Variants in SDC1 observed in about 807,000 individuals in gnomAD.
SDC1 encodes the protein syndecan-1.
SDC1 carries 14 observed loss-of-function variants against 29.7 expected under a neutral mutation model. The observed-to-expected ratio is 0.47, with a 90% confidence interval of 0.31 to 0.74. The LOEUF (loss-of-function observed/expected upper bound fraction) is 0.74. SDC1 is among the 30% of genes least tolerant of loss of function. SDC1 has a pLI of 0.05. For missense variants in SDC1, 406 were observed against 400.3 expected (o/e 1.01, Z -0.12); for synonymous variants, 204 against 175.5 (o/e 1.16, Z -1.29).
intron 1 of SDC1, chr2:20,207,916 C>A (rs1677332622): frequency 1.0e-6 from 1 of 980,156 alleles, no homozygotes; most frequent in Non-Finnish European, 1.2e-6. Flanking sequence ...GGCACCCCCA[C>A]CCATACTCAC....
At position 20,201,153 on chromosome 2, in the gene SDC1, TCGG is replaced by T. The variant is rs1676995179; in HGVS notation, c.*1610_*1612del. ...GTCCAAGGTGTCTGCGGGGTAGGCC[TCGG>T]CTCCACACCTCCGCTGTGACCACAG... On this transcript the variant is annotated 3_prime_UTR_variant, in exon 5 of 5. Transcript: ENST00000254351. The T allele has an allele frequency of 6.6e-6, 1 of 152,256 alleles. No homozygotes were observed. The highest frequency in any genetic ancestry group is 2.4e-5 in the African/African-American group (1 of 41,440). 9.4% of individuals were successfully genotyped at this position (152,256 alleles called of 1,614,324 possible).
chr2:20,203,806 CACT>C lies in SDC1; in HGVS notation c.627+4_627+6del. ...TCAATTTCCCAAGGAATGCAGAGGCCACTCACCTGCTCCCCAGAGCCCTCTGCT... is the reference window on the plus strand; with the variant it reads ...TCAATTTCCCAAGGAATGCAGAGGCCCACCTGCTCCCCAGAGCCCTCTGCT... On this transcript the variant is annotated splice_donor_5th_base_variant and intron_variant, in intron 3 of 4. Coordinates refer to ENST00000254351, the MANE Select transcript of SDC1 (RefSeq NM_002997.5). 6.4e-7 allele frequency: 1 copy of C among 1,561,906 alleles called. No individual in the cohort carries two copies. The highest frequency in any genetic ancestry group is 8.7e-7 in the Non-Finnish European group (1 of 1,154,956).
At chr2:20,213,293 G>A (rs1305500218) in intron 1 of SDC1, among the ~76,000 whole-genome samples, 1 of 152,184 alleles carries the variant, frequency 6.6e-6, no homozygotes, top group South Asian at 2.1e-4. Flanking sequence ...GCAAAACCCG[G>A]GCCAGGCCAG....
chr2:20,210,813 G>C (rs1041897458), intron 1 of SDC1, among the ~76,000 whole-genome samples: 1 of 152,162 alleles, frequency 6.6e-6, no homozygotes, highest in Admixed American at 6.5e-5. Context: ...CCCAGGCTGC[G>C]AGGTCATGAG....
At position 20,205,568 on chromosome 2, in the gene SDC1, G is replaced by A. The variant is rs1677236979; in HGVS notation, c.67-144C>T. 7 of 654,772 alleles carry A rather than the reference G, an allele frequency of 1.1e-5. No homozygotes were observed. The East Asian group carries it at 1.9e-4, about 18-fold the overall frequency. 40.6% of individuals were successfully genotyped at this position (654,772 alleles called of 1,614,324 possible). ...GAGAAGCCTTCTCATGTGGCTCCAG[G>A]ACCCTCAGCTCTGGGCAGCACTTTG... On this transcript the variant is annotated intron_variant, in intron 1 of 4. Transcript: ENST00000254351.
rs953795593 is a variant in SDC1, at chr2:20,224,581, C to G, written c.66+221G>C. 6.6e-6 allele frequency among the ~76,000 whole-genome samples: 1 copy of G among 151,824 alleles called. No individual in the cohort carries two copies. Among genetic ancestry groups the G allele is most frequent in the Non-Finnish European group, 1.5e-5 (1 of 67,878 alleles). On this transcript the variant is annotated intron_variant, in intron 1 of 4. Transcript: ENST00000254351. The surrounding 1 kb of genome is among the most constrained non-coding windows in gnomAD (Gnocchi z 4.9). ...AATTGAGCGCGGGGCCCCGGCCCCC[C>G]ACCCTCCCCAGCGCGGGACCGGTGC...
chr2:20,223,484 C>G (rs1223707738), intron 1 of SDC1: 3 of 336,340 alleles, frequency 8.9e-6, no homozygotes. Context: ...GATGTAGTGG[C>G]GAGACACCGC....
rs1276322199 is a variant in SDC1 at position 20,201,910 on chromosome 2, A to G, written c.*856T>C. 1.3e-5 allele frequency: 3 copies of G among 232,984 alleles called. No individual in the cohort carries two copies. The highest frequency in any genetic ancestry group is 2.5e-5 in the Non-Finnish European group (3 of 121,472). 14.4% of individuals were successfully genotyped at this position (232,984 alleles called of 1,614,324 possible). A position where few individuals can be genotyped will look rare whatever the true frequency, so the allele number is the denominator to read the frequency against. The stretch of plus-strand genomic sequence containing the variant: ...AGCATGGCCCTGAGCGCATGGACAC[A>G]GGCACGACTGCTTGAAAGAGGCGGC... On this transcript the variant is annotated 3_prime_UTR_variant, in exon 5 of 5. Transcript: ENST00000254351.
At position 20,202,765 on chromosome 2, in the gene SDC1, G is replaced by A. The variant is rs376758793; in HGVS notation, c.*1C>T. 19 of 1,598,676 alleles carry A rather than the reference G, an allele frequency of 1.2e-5. No individual in the cohort carries two copies. The highest frequency in any genetic ancestry group is 1.0e-4 in the Admixed American group (6 of 58,400). ...GGCGGAGGGGGCGCATGGCTCCCGC[G>A]TCAGGCATAGAATTCCTCCTGTTTG... is the stretch of plus-strand genomic sequence containing the variant. On this transcript the variant is annotated 3_prime_UTR_variant, in exon 5 of 5. Coordinates refer to ENST00000254351, the MANE Select transcript of SDC1 (RefSeq NM_002997.5).
intron 1 of SDC1, among the ~76,000 whole-genome samples, chr2:20,218,820 CACACACACACACAG>C (rs1677720567): frequency 6.6e-6 from 1 of 151,538 alleles, no homozygotes; most frequent in Non-Finnish European, 1.5e-5. Context: ...CACACGCAGA[CACACACACACACAG>C]ACACACACAC....
At chr2:20,222,934 G>A (rs538836845) in intron 1 of SDC1, among the ~76,000 whole-genome samples, 2 of 152,322 alleles carry the variant, frequency 1.3e-5, no homozygotes, top group African/African-American at 4.8e-5. Flanking sequence ...GCAGTGAGGT[G>A]ATGCCCAGCG....
chr2:20,224,782 T>G lies in SDC1; in HGVS notation c.66+20A>C. 4 of 1,305,760 alleles carry G rather than the reference T, an allele frequency of 3.1e-6. No individual in the cohort carries two copies. Among genetic ancestry groups the G allele is most frequent in the Non-Finnish European group, 3.9e-6 (4 of 1,026,582 alleles). The allele number at this position is 1,305,760 out of a possible 1,614,324, so 80.9% of individuals were successfully genotyped here. A position where few individuals can be genotyped will look rare whatever the true frequency, so the allele number is the denominator to read the frequency against. The stretch of plus-strand genomic sequence containing the variant: ...CCCGGCTTCCCGCCGCCTCCCCGCC[T>G]GGCCGCCGGCCGCACTCACCGGCAG... On this transcript the variant is annotated intron_variant, in intron 1 of 4. Coordinates refer to ENST00000254351, the MANE Select transcript of SDC1 (RefSeq NM_002997.5). This position sits in a 1 kb window ranked among gnomAD's most constrained non-coding sequence, Gnocchi z 4.9.
intron 1 of SDC1, among the ~76,000 whole-genome samples, chr2:20,220,845 A>G (rs1677795565): frequency 6.6e-6 from 1 of 152,228 alleles, no homozygotes; most frequent in Admixed American, 6.5e-5. Flanking sequence ...AACAGGAACT[A>G]AAATCCAAAT....
chr2:20,215,105 C>T (rs1467755158), intron 1 of SDC1, among the ~76,000 whole-genome samples: 1 of 152,244 alleles, frequency 6.6e-6, no homozygotes, highest in East Asian at 1.9e-4. Context: ...AGGAAGACAA[C>T]AGCCATCATT....
Position 20,218,656 on chromosome 2 carries a change from G to C in SDC1, c.66+6146C>G, listed in dbSNP as rs962203924. On this transcript the variant is annotated intron_variant, in intron 1 of 4. Coordinates refer to ENST00000254351, the MANE Select transcript of SDC1 (RefSeq NM_002997.5). The stretch of plus-strand genomic sequence containing the variant: ...AAACACACAGACACACACACACACA[G>C]AGACACACGTACACACGGACACACA... 4.0e-5 allele frequency among the ~76,000 whole-genome samples: 6 copies of C among 148,992 alleles called. No homozygotes were observed. In the East Asian group the frequency reaches 5.8e-4, roughly 14 times the overall value.
At chr2:20,210,283 G>A (rs1384690909) in intron 1 of SDC1, among the ~76,000 whole-genome samples, 2 of 152,222 alleles carry the variant, frequency 1.3e-5, no homozygotes, top group African/African-American at 4.8e-5. Flanking sequence ...GGAGGTTGCA[G>A]TGAGCCAAGA....
chr2:20,221,265 T>C (rs1317420799), intron 1 of SDC1, among the ~76,000 whole-genome samples: 2 of 152,228 alleles, frequency 1.3e-5, no homozygotes, highest in African/African-American at 2.4e-5. Context: ...ATCTGATTAG[T>C]TTCTTAGTGC....
At chr2:20,221,490 G>A (rs1312608880) in intron 1 of SDC1, among the ~76,000 whole-genome samples, 2 of 152,204 alleles carry the variant, frequency 1.3e-5, no homozygotes, top group African/African-American at 4.8e-5. Context: ...TGAGGAGGAC[G>A]ACCCTGGCAG....
chr2:20,218,079 T>C (rs1247320069), intron 1 of SDC1, among the ~76,000 whole-genome samples: 1 of 152,106 alleles, frequency 6.6e-6, no homozygotes, highest in Non-Finnish European at 1.5e-5. Context: ...CAACAAGTCC[T>C]TCAGTGCCAC....
Sources: gnomAD v4.1 joint callset for allele counts (sites outside exome capture counted in the v4.1 genomes callset) on GRCh38, gnomAD v4.1.1 for gene constraint, Gnocchi (gnomAD v3.1) non-coding constraint, MANE v1.5 for transcripts, NCBI Gene and HGNC (gene_info 2026-07-23, HGNC 2026-07-21) for gene names.